FOXP1: variants seen among roughly 807,000 people sequenced by gnomAD.
FOXP1 encodes the protein forkhead box protein P1.
A neutral mutation model predicts 98.2 loss-of-function variants in FOXP1; 15 were observed. The observed-to-expected ratio is 0.15, with a 90% CI of 0.10 to 0.24. FOXP1 has a LOEUF of 0.24. FOXP1 is among the 10% of genes least tolerant of loss of function. The pLI is 1.00. For synonymous variants in FOXP1, 371 were observed against 314.5 expected, an observed-to-expected ratio of 1.18 and a Z score of -1.90; for missense variants, 633 against 848.5, an observed-to-expected ratio of 0.75 and a Z score of 3.15.
chr3:71,179,996 T>G (rs1370564761), intron 6 of FOXP1, among the ~76,000 whole-genome samples: 1 of 152,324 alleles, frequency 6.6e-6, no homozygotes, highest in Admixed American at 6.5e-5. Flanking sequence ...GGATATTTTG[T>G]AGGCACTGGT....
intron 3 of FOXP1, among the ~76,000 whole-genome samples, chr3:71,411,164 A>T (rs1262153010): frequency 6.6e-6 from 1 of 152,170 alleles, no homozygotes; most frequent in Non-Finnish European, 1.5e-5. Context: ...AATATATAGG[A>T]CGTCTACAAA....
chr3:70,956,379 T>A lies in FOXP1; in HGVS notation c.*2868A>T. The A allele has an allele frequency of 4.3e-6, 1 of 232,752 alleles. No individual in the cohort carries two copies. The highest frequency in any genetic ancestry group is 6.1e-5 in the East Asian group (1 of 16,450). 14.4% of individuals were successfully genotyped at this position (232,752 alleles called of 1,614,324 possible). A position where few individuals can be genotyped will look rare whatever the true frequency, so the allele number is the denominator to read the frequency against. On this transcript the variant is annotated 3_prime_UTR_variant, in exon 21 of 21. Coordinates refer to ENST00000649528, the MANE Select transcript of FOXP1 (RefSeq NM_001349338.3). ...TTTTCAGTTGGTTCTTCTGCAAGGC[T>A]GTGATACCTGCAAAGATATGTAAAA... is the stretch of plus-strand genomic sequence containing the variant.
At chr3:71,265,520 G>A (rs939815942) in intron 5 of FOXP1, among the ~76,000 whole-genome samples, 1 of 152,182 alleles carries the variant, frequency 6.6e-6, no homozygotes, top group African/African-American at 2.4e-5. Context: ...TGGTTCTCTA[G>A]GAGGAAACAG....
chr3:71,191,899 A>G (rs572732247), intron 6 of FOXP1, among the ~76,000 whole-genome samples: 2 of 152,330 alleles, frequency 1.3e-5, no homozygotes, highest in East Asian at 3.9e-4. Flanking sequence ...GACCATCAAT[A>G]CTTTTCACGT....
intron 5 of FOXP1, among the ~76,000 whole-genome samples, chr3:71,214,242 T>C (rs953477616): frequency 8.5e-5 from 13 of 152,140 alleles, no homozygotes; most frequent in African/African-American, 3.1e-4. Context: ...ATCTCCCCCA[T>C]GGGGAAGTGC....
In FOXP1 at chr3:71,167,615, AT is replaced by A. The variant is rs2061451899; in HGVS notation, c.180+30586del. 2.0e-5 allele frequency among the ~76,000 whole-genome samples: 3 copies of A among 152,228 alleles called. No homozygotes were observed. The South Asian group carries it at 6.2e-4, about 32-fold the overall frequency. The stretch of plus-strand genomic sequence containing the variant: ...TCTCTGACACTGTGTGTCAGTGTCA[AT>A]ATTTTAAGTGGATCCCAAGAAAGTC... On this transcript the variant is annotated intron_variant, in intron 6 of 20. Transcript: ENST00000649528.
At chr3:71,480,614 A>G (rs527753167) in intron 3 of FOXP1, among the ~76,000 whole-genome samples, 2 of 152,366 alleles carry the variant, frequency 1.3e-5, no homozygotes, top group South Asian at 2.1e-4. Context: ...AACAATGCAC[A>G]TGGTCACAGG....
At chr3:71,252,486 A>G (rs964518902) in intron 5 of FOXP1, among the ~76,000 whole-genome samples, 16 of 152,186 alleles carry the variant, frequency 1.1e-4, no homozygotes, top group Non-Finnish European at 1.6e-4. Flanking sequence ...TGTAATTACC[A>G]ATCTCCCAGT....
chr3:71,261,407 TAAA>T (rs534006665), intron 5 of FOXP1, among the ~76,000 whole-genome samples: 2 of 149,372 alleles, frequency 1.3e-5, no homozygotes, highest in African/African-American at 4.9e-5. Context: ...TATTTAAATT[TAAA>T]AAAAAAACAT....
chr3:71,262,082 A>G (rs62247678), intron 5 of FOXP1, among the ~76,000 whole-genome samples: 44,351 of 151,340 alleles, frequency 0.29, 6,873 homozygotes, highest in Middle Eastern at 0.47. Context: ...CCTGGCCAAC[A>G]TGGTGAAACC....
intron 6 of FOXP1, among the ~76,000 whole-genome samples, chr3:71,179,221 C>T (rs1292955733): frequency 2.0e-5 from 3 of 150,488 alleles, no homozygotes; most frequent in Non-Finnish European, 4.4e-5. Flanking sequence ...CTCCGCCTCC[C>T]GGGTTCAAGC....
chr3:71,310,888 C>T (rs1381988810), intron 4 of FOXP1, among the ~76,000 whole-genome samples: 1 of 152,220 alleles, frequency 6.6e-6, no homozygotes, highest in Admixed American at 6.5e-5. Context: ...AAAGATATTC[C>T]TCTCATGGCC....
At chr3:71,394,447 T>C (rs892616084) in intron 3 of FOXP1, among the ~76,000 whole-genome samples, 4 of 152,108 alleles carry the variant, frequency 2.6e-5, no homozygotes, top group African/African-American at 9.7e-5. Flanking sequence ...TAGGAACCAA[T>C]GAGGGAAAAA....
intron 3 of FOXP1, among the ~76,000 whole-genome samples, chr3:71,414,375 G>A (rs2083037307): frequency 6.6e-6 from 1 of 152,128 alleles, no homozygotes; most frequent in Admixed American, 6.5e-5. Flanking sequence ...GCATCCACCT[G>A]GGCCTCAGCC....
At chr3:71,265,751 C>T (rs1177076046) in intron 5 of FOXP1, among the ~76,000 whole-genome samples, 1 of 152,110 alleles carries the variant, frequency 6.6e-6, no homozygotes, top group Non-Finnish European at 1.5e-5. Flanking sequence ...CGCGCTGGAC[C>T]GACTCCAAAA....
chr3:71,273,544 T>G (rs2070596750), intron 5 of FOXP1, among the ~76,000 whole-genome samples: 1 of 152,198 alleles, frequency 6.6e-6, no homozygotes, highest in Admixed American at 6.5e-5. Flanking sequence ...CCCATCCCCC[T>G]TCAGTCTTCC....
chr3:71,155,910 T>C (rs1262583203), intron 6 of FOXP1, among the ~76,000 whole-genome samples: 2 of 152,130 alleles, frequency 1.3e-5, no homozygotes, highest in East Asian at 3.8e-4. Flanking sequence ...ATGAAGCCAA[T>C]GGGTGGTTTT....
intron 4 of FOXP1, among the ~76,000 whole-genome samples, chr3:71,331,469 GC>G (rs201588135): frequency 0.16 from 24,270 of 152,156 alleles, 2,164 homozygotes; most frequent in Non-Finnish European, 0.21. Flanking sequence ...CCGCCCAAGG[GC>G]TGAGGAGTGC....
chr3:71,193,227 A>T (rs2063101679), intron 6 of FOXP1, among the ~76,000 whole-genome samples: 1 of 134,928 alleles, frequency 7.4e-6, no homozygotes, highest in Admixed American at 7.3e-5. Context: ...GGCTCACTGC[A>T]AGCTCCGCCT....
Sources: allele counts gnomAD v4.1 joint callset (sites outside exome capture counted in the v4.1 genomes callset), GRCh38; gene constraint gnomAD v4.1.1; transcripts MANE v1.5; gene names NCBI Gene and HGNC (gene_info 2026-07-23, HGNC 2026-07-21).